The following AMER1 variants were observed in gnomAD, a reference collection of about 807,000 sequenced individuals.
AMER1 encodes the protein RP11-403E24.2.
A neutral mutation model predicts 53.0 loss-of-function variants in AMER1; 16 were observed. That is an observed-to-expected ratio of 0.30 (90% confidence interval 0.20 to 0.46). AMER1 has a LOEUF of 0.46. Ranked by LOEUF, AMER1 falls within the 20% of genes least tolerant of loss-of-function variation. The pLI, the probability that AMER1 is intolerant of heterozygous loss-of-function variation, is 1.00. For synonymous variants in AMER1, 354 were observed against 331.9 expected (o/e 1.07, Z -0.73); for missense variants, 947 against 884.9 (o/e 1.07, Z -0.89).
At position 64,189,793 on chromosome X, in the gene AMER1, A is replaced by ACGGGGGGCCCCCCCCC; in HGVS notation, c.*85_*86insGGGGGGGGGCCCCCCG. On this transcript the variant is annotated 3_prime_UTR_variant, in exon 2 of 2. Coordinates refer to ENST00000374869, the MANE Select transcript of AMER1 (RefSeq NM_152424.4). Reference sequence around the variant, plus strand: ...CAAAGGGTTTTCAAGTTAAACAACAACCCCCACCCCCCCACCCTTCTGCCC... The same window carrying ACGGGGGGCCCCCCCCC: ...CAAAGGGTTTTCAAGTTAAACAACAACGGGGGGCCCCCCCCCCCCCCACCCCCCCACCCTTCTGCCC... 6.8e-6 allele frequency: 2 copies of ACGGGGGGCCCCCCCCC among 292,064 alleles called. No homozygotes were observed. Among genetic ancestry groups the ACGGGGGGCCCCCCCCC allele is most frequent in the Non-Finnish European group, 9.8e-6 (2 of 204,822 alleles). The allele number at this position is 292,064 out of a possible 1,213,427, so 24.1% of individuals were successfully genotyped here.
chrX:64,185,996 G>A lies in AMER1; in HGVS notation c.*3883C>T, dbSNP rs1227082032. 1.7e-5 allele frequency: 11 copies of A among 633,524 alleles called. No individual in the cohort carries two copies. The highest frequency in any genetic ancestry group is 7.2e-5 in the Admixed American group (2 of 27,917). The allele number at this position is 633,524 out of a possible 1,213,427, so 52.2% of individuals were successfully genotyped here. A position where few individuals can be genotyped will look rare whatever the true frequency, so the allele number is the denominator to read the frequency against. On this transcript the variant is annotated 3_prime_UTR_variant, in exon 2 of 2. Coordinates refer to ENST00000374869, the MANE Select transcript of AMER1 (RefSeq NM_152424.4). Reference sequence around the variant, plus strand: ...TGGGCACTCTGATTTCAAAACTAAAGCACAAAACATAACGAGGAAAAAAAA... The same window carrying A: ...TGGGCACTCTGATTTCAAAACTAAAACACAAAACATAACGAGGAAAAAAAA...
Position 64,193,002 on chromosome X carries a change from G to C in AMER1, c.285C>G (p.Thr95=), listed in dbSNP as rs143210136. Residue 95 remains threonine, a synonymous_variant, in exon 2 of 2, where the codon ACC becomes ACG. Transcript: ENST00000374869. Reference sequence around the variant, plus strand: ...GGGCTGCTTCACTCAGGCCATCGTGGGTCTTGCTCTTGCTGAGACCTTTCT... The same window carrying C: ...GGGCTGCTTCACTCAGGCCATCGTGCGTCTTGCTCTTGCTGAGACCTTTCT... The part of the protein sequence containing the change: ...SSKKGLSKSK[T]HDGLSEAAHG... 5.9e-5 allele frequency: 71 copies of C among 1,209,916 alleles called. No individual in the cohort carries two copies. The South Asian group carries it at 1.1e-3, about 19-fold the overall frequency.
At chrX:64,201,076 A>T (rs1569194144) in intron 1 of AMER1, among the ~76,000 whole-genome samples, 1 of 111,147 alleles carries the variant, frequency 9.0e-6, no homozygotes, top group East Asian at 2.8e-4. Context: ...TGCACATCAA[A>T]GGGTCACAAA....
At chrX:64,198,243 C>G (rs1317748274) in intron 1 of AMER1, among the ~76,000 whole-genome samples, 1 of 112,185 alleles carries the variant, frequency 8.9e-6, no homozygotes, top group Non-Finnish European at 1.9e-5. Flanking sequence ...TTCTCTAGCC[C>G]AGGTCAAACT....
Position 64,189,387 on chromosome X carries a change from T to C in AMER1, c.*492A>G. 1.3e-6 allele frequency: 1 copy of C among 781,542 alleles called. No homozygotes were observed. Among genetic ancestry groups the C allele is most frequent in the Non-Finnish European group, 1.5e-6 (1 of 656,713 alleles). 64.4% of individuals were successfully genotyped at this position (781,542 alleles called of 1,213,427 possible). ...TGCTAATCAGTGGTTCATCATTCAT[T>C]GGGGGAAAGGGGCAGGGGGCACTAA... On this transcript the variant is annotated 3_prime_UTR_variant, in exon 2 of 2. Coordinates refer to ENST00000374869, the MANE Select transcript of AMER1 (RefSeq NM_152424.4).
At position 64,192,998 on chromosome X, in the gene AMER1, C is replaced by T. The variant is rs1350779419; in HGVS notation, c.289G>A (p.Asp97Asn). The T allele has an allele frequency of 1.7e-6, 2 of 1,211,830 alleles. No individual in the cohort carries two copies. The highest frequency in any genetic ancestry group is 1.8e-5 in the South Asian group (1 of 57,004). The change falls in exon 2 of 2, where the codon GAT (aspartate) becomes AAT (asparagine). Residue 97 changes from aspartate to asparagine, a missense_variant. Physicochemically the swap from Asp to Asn is conservative, Grantham distance 23 (BLOSUM62 1). Transcript: ENST00000374869. The part of the protein sequence containing the change: ...KKGLSKSKTH[D>N]GLSEAAHGPE... ...CCATGGGCTGCTTCACTCAGGCCAT[C>T]GTGGGTCTTGCTCTTGCTGAGACCT...
rs1930131202 is a variant in AMER1, at chrX:64,187,385, T to A, written c.*2494A>T. 2 of 792,524 alleles carry A rather than the reference T, an allele frequency of 2.5e-6. No homozygotes were observed. The highest frequency in any genetic ancestry group is 1.5e-4 in the East Asian group (2 of 12,934). 65.3% of individuals were successfully genotyped at this position (792,524 alleles called of 1,213,427 possible). ...CAGCAAGGCTGTCCAAACCATGAAC[T>A]CTCACTCAGCCCCAGGCCCTACTCT... On this transcript the variant is annotated 3_prime_UTR_variant, in exon 2 of 2. Transcript: ENST00000374869.
Position 64,189,320 on chromosome X carries a change from A to G in AMER1, c.*559T>C. 1 of 788,535 alleles carries G rather than the reference A, an allele frequency of 1.3e-6. No individual in the cohort carries two copies. The highest frequency in any genetic ancestry group is 1.5e-6 in the Non-Finnish European group (1 of 660,746). 65.0% of individuals were successfully genotyped at this position (788,535 alleles called of 1,213,427 possible). On this transcript the variant is annotated 3_prime_UTR_variant, in exon 2 of 2. Coordinates refer to ENST00000374869, the MANE Select transcript of AMER1 (RefSeq NM_152424.4). The stretch of plus-strand genomic sequence containing the variant: ...CATAATTTCACATTGCTAATAGCAA[A>G]TAAGCCCCACTTCCCCAAGCGGGAG...
Position 64,189,147 on chromosome X carries a change from T to C in AMER1, c.*732A>G, listed in dbSNP as rs1342987895. ...TTAAAAGGCCCCCATCTGGTCATGA[T>C]GCCAAAGTCCACAGCGATAGGCTGT... On this transcript the variant is annotated 3_prime_UTR_variant, in exon 2 of 2. Transcript: ENST00000374869. The C allele has an allele frequency of 3.8e-6, 3 of 797,649 alleles. No homozygotes were observed. Among genetic ancestry groups the C allele is most frequent in the Non-Finnish European group, 4.5e-6 (3 of 667,002 alleles). 65.7% of individuals were successfully genotyped at this position (797,649 alleles called of 1,213,427 possible). A position where few individuals can be genotyped will look rare whatever the true frequency, so the allele number is the denominator to read the frequency against.
intron 1 of AMER1, among the ~76,000 whole-genome samples, chrX:64,194,539 C>T (rs1449384310): frequency 9.0e-6 from 1 of 111,609 alleles, no homozygotes; most frequent in Non-Finnish European, 1.9e-5. Flanking sequence ...GACCAGCCTG[C>T]TAAAACCCAA....
At position 64,186,044 on chromosome X, in the gene AMER1, A is replaced by T. The variant is rs1602064480; in HGVS notation, c.*3835T>A. The T allele has an allele frequency of 9.2e-6, 9 of 979,369 alleles. No individual in the cohort carries two copies. In the East Asian group the frequency reaches 2.8e-4, roughly 31 times the overall value. 80.7% of individuals were successfully genotyped at this position (979,369 alleles called of 1,213,427 possible). ...AAATAAGACACATGAGTACTCTCAG[A>T]GGGTCTAGACATGGGGAAGAAGGGT... On this transcript the variant is annotated 3_prime_UTR_variant, in exon 2 of 2. Transcript: ENST00000374869.
Position 64,189,792 on chromosome X carries a change from A to ATGGGGGGGGG in AMER1, c.*86_*87insCCCCCCCCCA. On this transcript the variant is annotated 3_prime_UTR_variant, in exon 2 of 2. Coordinates refer to ENST00000374869, the MANE Select transcript of AMER1 (RefSeq NM_152424.4). ...CCAAAGGGTTTTCAAGTTAAACAAC[A>ATGGGGGGGGG]ACCCCCACCCCCCCACCCTTCTGCC... 5 of 746,968 alleles carry ATGGGGGGGGG rather than the reference A, an allele frequency of 6.7e-6. No individual in the cohort carries two copies. The highest frequency in any genetic ancestry group is 8.5e-5 in the East Asian group (1 of 11,769). 61.6% of individuals were successfully genotyped at this position (746,968 alleles called of 1,213,427 possible). A position where few individuals can be genotyped will look rare whatever the true frequency, so the allele number is the denominator to read the frequency against.
At chrX:64,204,678 T>C (rs955429850) in intron 1 of AMER1, among the ~76,000 whole-genome samples, 2 of 113,345 alleles carry the variant, frequency 1.8e-5, no homozygotes, top group Non-Finnish European at 3.7e-5. Context: ...TGCCTATTGC[T>C]ATTTTTAAAC....
rs765334366 is a variant in AMER1, at chrX:64,191,036, G to T, written c.2251C>A (p.Pro751Thr). Residue 751 changes from proline (P) to threonine (T), a missense_variant, in exon 2 of 2, where the codon CCT becomes ACT. Pro to Thr is a conservative substitution (Grantham distance 38, BLOSUM62 -1). Coordinates refer to ENST00000374869, the MANE Select transcript of AMER1 (RefSeq NM_152424.4). ...PRRAYPTYSP[P>T]EDPEEEEVEK... ...ACCTCCTCTTCCTCTGGATCTTCAG[G>T]GGGTGAATAAGTAGGGTAGGCCCTC... 2.5e-6 allele frequency: 3 copies of T among 1,211,978 alleles called. No individual in the cohort carries two copies. The highest frequency in any genetic ancestry group is 3.3e-6 in the Non-Finnish European group (3 of 895,542).
intron 1 of AMER1, among the ~76,000 whole-genome samples, chrX:64,199,662 C>T (rs1298971510): frequency 9.0e-6 from 1 of 111,425 alleles, no homozygotes; most frequent in Non-Finnish European, 1.9e-5. Context: ...GAAGATGACA[C>T]AAGCCTCTTA....
At chrX:64,204,300 T>C (rs1051661384) in intron 1 of AMER1, among the ~76,000 whole-genome samples, 2 of 113,666 alleles carry the variant, frequency 1.8e-5, no homozygotes, top group African/African-American at 6.4e-5. Context: ...AGGAAGATGT[T>C]TGTGTGTGGA....
rs1930584600 is a variant in AMER1, at chrX:64,205,616, C to G, written c.-145G>C. The stretch of plus-strand genomic sequence containing the variant: ...CCCGGTTATTGTCCGCTGAGCCGCC[C>G]TGGGCCGGGCTGCAGCCTCGGCTGC... On this transcript the variant is annotated 5_prime_UTR_variant, in exon 1 of 2. Coordinates refer to ENST00000374869, the MANE Select transcript of AMER1 (RefSeq NM_152424.4). The G allele has an allele frequency of 8.9e-6, 1 of 112,628 alleles. No individual in the cohort carries two copies. The highest frequency in any genetic ancestry group is 3.2e-5 in the African/African-American group (1 of 30,964). 9.3% of individuals were successfully genotyped at this position (112,628 alleles called of 1,213,427 possible). A position where few individuals can be genotyped will look rare whatever the true frequency, so the allele number is the denominator to read the frequency against.
intron 1 of AMER1, among the ~76,000 whole-genome samples, chrX:64,203,542 A>C (rs1231684131): frequency 4.5e-5 from 5 of 111,467 alleles, no homozygotes; most frequent in Non-Finnish European, 7.5e-5. Context: ...AGGCCAACTT[A>C]ATTATAGTCT....
Position 64,186,172 on chromosome X carries a change from C to T in AMER1, c.*3707G>A, listed in dbSNP as rs1275148154. 63 of 1,207,933 alleles carry T rather than the reference C, an allele frequency of 5.2e-5. No homozygotes were observed. Among genetic ancestry groups the T allele is most frequent in the Non-Finnish European group, 6.9e-5 (62 of 894,262 alleles). On this transcript the variant is annotated 3_prime_UTR_variant, in exon 2 of 2. Coordinates refer to ENST00000374869, the MANE Select transcript of AMER1 (RefSeq NM_152424.4). ...GCGTTTGTCTTCAGTACCTGGGCAT[C>T]TTCTGCTGTCCCTATCATGGGGGGA...
Sources: allele counts gnomAD v4.1 joint callset (sites outside exome capture counted in the v4.1 genomes callset), GRCh38; gene constraint gnomAD v4.1.1; transcripts MANE v1.5; gene names NCBI Gene and HGNC (gene_info 2026-07-23, HGNC 2026-07-21).